The following URB1 variants were observed in gnomAD, a reference collection of about 807,000 sequenced individuals.
URB1 encodes the protein URB1 ribosome biogenesis factor, also known as nucleolar pre-ribosomal-associated protein 1.
In URB1, 197 loss-of-function variants were observed where a neutral mutation model predicts 242.3. The ratio of observed to expected loss-of-function variants is 0.81; its 90% confidence interval spans 0.72 to 0.91. URB1 has a LOEUF of 0.91. Among genes scored for constraint, URB1 ranks in the 40% least tolerant of loss-of-function variants. URB1 has a pLI of 0.00. For synonymous variants in URB1, 1,153 were observed against 1,201.8 expected (o/e 0.96, Z 0.84); for missense variants, 2,721 against 2,860.5 (o/e 0.95, Z 1.11).
At chr21:32,333,614 T>C (rs891728738) in intron 29 of URB1, among the ~76,000 whole-genome samples, 195 bp from the exon 30 acceptor site, 2 of 152,210 alleles carry the variant, frequency 1.3e-5, no homozygotes, top group Admixed American at 6.5e-5. Flanking sequence ...GCACGTAATA[T>C]ACATAGCATG....
intron 30 of URB1, among the ~76,000 whole-genome samples, chr21:32,329,554 T>C (rs1431225962): frequency 6.6e-6 from 1 of 152,132 alleles, no homozygotes; most frequent in East Asian, 1.9e-4. Flanking sequence ...GAGTTTGCTG[T>C]GGAAAAAGCA....
intron 25 of URB1, 94 bp downstream of exon 25, chr21:32,341,372 G>T: frequency 2.3e-6 from 3 of 1,277,506 alleles, no homozygotes; most frequent in Non-Finnish European, 3.3e-6. Flanking sequence ...CCACCACGTG[G>T]ATTATGCTAA....
chr21:32,312,116 T>C lies in URB1; in HGVS notation c.*2802A>G. On this transcript the variant is annotated 3_prime_UTR_variant, in exon 39 of 39. Transcript: ENST00000382751. Reference sequence around the variant, plus strand: ...TAGCAGAAAGGGCACCTAGGTCAAGTGCAACTAGAGCAGGAGCATCCTATG... The same window carrying C: ...TAGCAGAAAGGGCACCTAGGTCAAGCGCAACTAGAGCAGGAGCATCCTATG... 6.4e-7 allele frequency: 1 copy of C among 1,562,692 alleles called. No homozygotes were observed. The highest frequency in any genetic ancestry group is 1.3e-5 in the African/African-American group (1 of 74,358).
intron 1 of URB1, among the ~76,000 whole-genome samples, chr21:32,392,286 C>T (rs2033647909): frequency 6.6e-6 from 1 of 152,124 alleles, no homozygotes; most frequent in Admixed American, 6.5e-5. Context: ...CATTCCTGGT[C>T]AACTGACAAG....
intron 10 of URB1, among the ~76,000 whole-genome samples, chr21:32,364,209 C>A (rs1367926150): frequency 6.6e-6 from 1 of 152,126 alleles, no homozygotes; most frequent in Non-Finnish European, 1.5e-5. Flanking sequence ...GGTTCAAGAA[C>A]CTGTGCTACT....
intron 25 of URB1, 97 bp downstream of exon 25, chr21:32,341,369 G>T (rs971986157): frequency 3.2e-6 from 4 of 1,236,198 alleles, no homozygotes; most frequent in Admixed American, 2.3e-5. Context: ...GCTCCACCAC[G>T]TGGATTATGC....
intron 4 of URB1, among the ~76,000 whole-genome samples, chr21:32,381,055 T>G (rs998160774): frequency 2.6e-5 from 4 of 152,156 alleles, no homozygotes; most frequent in African/African-American, 9.7e-5. Context: ...CTGGGTAAGA[T>G]CCCCAGGACA....
intron 24 of URB1, 76 bp downstream of exon 24, chr21:32,344,494 G>C (rs1007069211): frequency 6.8e-7 from 1 of 1,478,090 alleles, no homozygotes; most frequent in East Asian, 2.5e-5. Context: ...GGCTTGAAAT[G>C]CATCTATAGC....
chr21:32,386,171 G>C (rs2146056759), intron 1 of URB1, among the ~76,000 whole-genome samples: 1 of 150,918 alleles, frequency 6.6e-6, no homozygotes, highest in South Asian at 2.1e-4. Flanking sequence ...AAAAAAGAAA[G>C]AAAGAAACCC....
intron 37 of URB1, 36 bp downstream of exon 37, chr21:32,317,640 G>T: frequency 6.5e-7 from 1 of 1,546,092 alleles, no homozygotes. Flanking sequence ...GAGACATGTT[G>T]GCTACTCTGG....
rs2032995869 is a variant in URB1, at chr21:32,338,891, G to C, written c.4326C>G (p.Tyr1442Ter). 6.5e-7 allele frequency: 1 copy of C among 1,536,450 alleles called. No homozygotes were observed. The highest frequency in any genetic ancestry group is 8.8e-7 in the Non-Finnish European group (1 of 1,135,496). Reference protein sequence around the residue: ...KFVKKGLKFRYQDHTFLKMLL... With the variant: ...KFVKKGLKFR ...GCATCTTTAAAAATGTGTGGTCCTG[G>C]TACCGAAATCTAGGCGGCGAGAGTC... The change falls in exon 26 of 39, where the codon TAC becomes TAG. Residue 1442 changes from tyrosine to a stop codon, truncating the protein, a stop_gained. Coordinates refer to ENST00000382751, the MANE Select transcript of URB1 (RefSeq NM_014825.3). LOFTEE classifies it high-confidence loss of function.
intron 9 of URB1, 89 bp from the exon 10 acceptor site, chr21:32,366,844 C>A (rs2033352619): frequency 1.4e-6 from 2 of 1,388,540 alleles, no homozygotes; most frequent in Non-Finnish European, 2.0e-6. Flanking sequence ...TGAAGCCATT[C>A]AATCAAATAA....
chr21:32,368,254 A>C, intron 9 of URB1, 149 bp downstream of exon 9: 1 of 585,596 alleles, frequency 1.7e-6, no homozygotes, highest in Non-Finnish European at 2.8e-6. Context: ...TTTTAGTAAG[A>C]GACAGGTTTC....
chr21:32,383,689 G>T, intron 3 of URB1, 135 bp from the exon 4 acceptor site: 3 of 1,017,466 alleles, frequency 2.9e-6, no homozygotes, highest in South Asian at 2.9e-5. Flanking sequence ...AAAAAGACAT[G>T]CTCTTTTTTT....
chr21:32,341,442 A>G, intron 25 of URB1, 24 bp downstream of exon 25: 1 of 1,550,796 alleles, frequency 6.4e-7, no homozygotes, highest in Non-Finnish European at 8.7e-7. Context: ...ACCGAAGGGC[A>G]CCAAGAAAAT....
At position 32,349,372 on chromosome 21, in the gene URB1, C is replaced by T. The variant is rs753628558; in HGVS notation, c.2944G>A (p.Ala982Thr). Reference protein sequence around the residue: ...DAQNQQRCEAARAEADLFLDM... With the variant: ...DAQNQQRCEATRAEADLFLDM... ...AGGAAGAGGTCGGCTTCGGCCCGGG[C>T]GGCCTCGCATCTCTGCTGGTTCTGG... Residue 982 changes from alanine to threonine, a missense_variant, in exon 21 of 39, where the codon GCC (alanine) becomes ACC (threonine). Physicochemically the swap from Ala to Thr is moderately conservative, Grantham distance 58 (BLOSUM62 0). Coordinates refer to ENST00000382751, the MANE Select transcript of URB1 (RefSeq NM_014825.3). The T allele has an allele frequency of 1.2e-5, 19 of 1,551,318 alleles. 1 individual carries two copies. Among genetic ancestry groups the T allele is most frequent in the South Asian group, 9.5e-5 (8 of 84,050 alleles).
In URB1 at chr21:32,312,124, G is replaced by C. The variant is rs1181536475; in HGVS notation, c.*2794C>G. ...AGGGCACCTAGGTCAAGTGCAACTA[G>C]AGCAGGAGCATCCTATGCCTTTGAC... On this transcript the variant is annotated 3_prime_UTR_variant, in exon 39 of 39. Coordinates refer to ENST00000382751, the MANE Select transcript of URB1 (RefSeq NM_014825.3). The C allele has an allele frequency of 2.6e-6, 4 of 1,551,880 alleles. No individual in the cohort carries two copies. Among genetic ancestry groups the C allele is most frequent in the Non-Finnish European group, 3.5e-6 (4 of 1,155,304 alleles).
chr21:32,320,863 G>A (rs934691092), intron 34 of URB1, among the ~76,000 whole-genome samples: 2 of 152,304 alleles, frequency 1.3e-5, no homozygotes, highest in Non-Finnish European at 2.9e-5. Flanking sequence ...TGGGCCCGGG[G>A]ATCCCCACTT....
In URB1 at chr21:32,321,893, C is replaced by T. The variant is rs370981347; in HGVS notation, c.5392G>A (p.Asp1798Asn). The T allele has an allele frequency of 2.0e-5, 31 of 1,551,674 alleles. No homozygotes were observed. The highest frequency in any genetic ancestry group is 3.3e-4 in the Middle Eastern group (2 of 5,992). ...GCACACAGTTCGTAGCACTGCTTGT[C>T]ACGGATCCCCTGCCGCAGAACGCCA... ...VFGVLRQGIR[D>N]KQCYELCARR... The change falls in exon 34 of 39, where the codon GAC becomes AAC. Residue 1798 changes from aspartate to asparagine, a missense_variant. Physicochemically the swap from Asp to Asn is conservative, Grantham distance 23 (BLOSUM62 1). Coordinates refer to ENST00000382751, the MANE Select transcript of URB1 (RefSeq NM_014825.3).
Sources: gnomAD v4.1 joint callset for allele counts (sites outside exome capture counted in the v4.1 genomes callset) on GRCh38, gnomAD v4.1.1 for gene constraint, MANE v1.5 for transcripts, NCBI Gene and HGNC (gene_info 2026-07-23, HGNC 2026-07-21) for gene names.